The following CAMTA1 variants were observed in gnomAD, a reference collection of about 807,000 sequenced individuals.
CAMTA1 encodes calmodulin binding transcription activator 1.
In CAMTA1, 27 loss-of-function variants were observed where a neutral mutation model predicts 170.9. The observed-to-expected ratio is 0.16, with a 90% CI of 0.12 to 0.22. CAMTA1 has a LOEUF of 0.22. Among genes scored for constraint, CAMTA1 ranks in the 10% least tolerant of loss-of-function variants. The probability of loss-of-function intolerance (pLI) is 1.00; values close to 1 mark genes in which losing one functional copy is unlikely to be tolerated. For missense variants in CAMTA1, 1,619 were observed against 2,217.2 expected (o/e 0.73, Z 5.42); for synonymous variants, 833 against 891.5 (o/e 0.93, Z 1.17).
At chr1:7,746,159 T>A in intron 18 of CAMTA1, 68 bp downstream of exon 18, 3 of 1,536,524 alleles carry the variant, frequency 2.0e-6, no homozygotes, top group Non-Finnish European at 2.7e-6. Flanking sequence ...AAAGTCAGAA[T>A]CATGCGAACA....
rs1439565065 is a variant in CAMTA1 at position 7,053,387 on chromosome 1, G to A, written c.235-37917G>A. The stretch of plus-strand genomic sequence containing the variant: ...GTCTTCTCGCGGCGAGGTGTGATGC[G>A]GGAGCGTGGCAGCCCCCTCTCTGGT... On this transcript the variant is annotated intron_variant, in intron 3 of 22. Transcript: ENST00000303635. Among the ~76,000 whole-genome samples the A allele has an allele frequency of 3.3e-5, 5 of 152,292 alleles. No homozygotes were observed. The East Asian group carries it at 5.8e-4, about 18-fold the overall frequency.
At chr1:7,652,751 G>C (rs754453463) in intron 7 of CAMTA1, among the ~76,000 whole-genome samples, 1 of 152,044 alleles carries the variant, frequency 6.6e-6, no homozygotes, top group African/African-American at 2.4e-5. Context: ...AGATGGGGTC[G>C]CTTTTCTCCT....
At chr1:7,203,282 C>T (rs1252454769) in intron 4 of CAMTA1, among the ~76,000 whole-genome samples, 1 of 152,038 alleles carries the variant, frequency 6.6e-6, no homozygotes, top group Non-Finnish European at 1.5e-5. Flanking sequence ...TATCCATACC[C>T]ATAAGAGATA....
At chr1:6,915,763 T>C (rs1183288592) in intron 3 of CAMTA1, among the ~76,000 whole-genome samples, 1 of 152,182 alleles carries the variant, frequency 6.6e-6, no homozygotes, top group Admixed American at 6.5e-5. Flanking sequence ...GTAGCATTCA[T>C]GGTCTCTAAG....
chr1:7,419,880 C>T (rs2091444563), intron 5 of CAMTA1, among the ~76,000 whole-genome samples: 2 of 152,156 alleles, frequency 1.3e-5, no homozygotes. Context: ...CGGGCTCTTC[C>T]TTCAGAGTGC....
chr1:6,848,487 T>C (rs1659170039), intron 3 of CAMTA1, among the ~76,000 whole-genome samples: 1 of 152,190 alleles, frequency 6.6e-6, no homozygotes, highest in Admixed American at 6.5e-5. Context: ...AATGAGCAGA[T>C]TTTTATTTTA....
At chr1:6,789,887 G>A (rs537060227) in intron 1 of CAMTA1, among the ~76,000 whole-genome samples, 1 of 144,104 alleles carries the variant, frequency 6.9e-6, no homozygotes, top group Non-Finnish European at 1.5e-5. Flanking sequence ...CTCGGTTCGT[G>A]CAACCTCTGC....
intron 3 of CAMTA1, among the ~76,000 whole-genome samples, chr1:7,018,403 G>A (rs916848662): frequency 1.3e-5 from 2 of 152,112 alleles, no homozygotes; most frequent in Admixed American, 1.3e-4. Context: ...GTCTCCAGCA[G>A]GCTTGCCTTG....
chr1:7,710,963 C>T (rs184410696), intron 11 of CAMTA1, among the ~76,000 whole-genome samples: 52 of 152,294 alleles, frequency 3.4e-4, no homozygotes, highest in Admixed American at 2.4e-3. Context: ...TTCATAAGGC[C>T]TGGCTCATAC....
At chr1:7,416,988 T>G (rs1055171461) in intron 5 of CAMTA1, among the ~76,000 whole-genome samples, 10 of 152,272 alleles carry the variant, frequency 6.6e-5, no homozygotes, top group Admixed American at 1.3e-4. Context: ...GACAGGACCC[T>G]CAGCTGCAGG....
At chr1:7,543,864 AG>A (rs2150124576) in intron 6 of CAMTA1, among the ~76,000 whole-genome samples, 1 of 151,590 alleles carries the variant, frequency 6.6e-6, no homozygotes, top group East Asian at 1.9e-4. Context: ...GAACAGGAAA[AG>A]GGTTAAAGCA....
In CAMTA1 at chr1:7,007,842, G is replaced by T. The variant is rs568673449; in HGVS notation, c.235-83462G>T. On this transcript the variant is annotated intron_variant, in intron 3 of 22. Transcript: ENST00000303635. This position sits in a 1 kb window ranked among gnomAD's most constrained non-coding sequence, Gnocchi z 4.5. ...TCAGCCCCACCTCTCCAGAGGCCCG[G>T]CACACAGTAGGCACTCAATGGTTGT... 3.9e-5 allele frequency among the ~76,000 whole-genome samples: 6 copies of T among 152,190 alleles called. No individual in the cohort carries two copies. The highest frequency in any genetic ancestry group is 8.8e-5 in the Non-Finnish European group (6 of 68,032).
At chr1:7,194,220 T>C (rs753580832) in intron 4 of CAMTA1, among the ~76,000 whole-genome samples, 33 of 152,188 alleles carry the variant, frequency 2.2e-4, no homozygotes, top group Non-Finnish European at 4.3e-4. Flanking sequence ...TCCTATCTGG[T>C]CAAAATATAG....
At chr1:7,672,251 T>G (rs1576745216) in intron 10 of CAMTA1, 1 of 352,622 alleles carries the variant, frequency 2.8e-6, no homozygotes, top group East Asian at 7.9e-5. Context: ...TGGCCAGTGC[T>G]AGGCAGGCCC....
In CAMTA1 at chr1:6,928,006, C is replaced by T. The variant is rs995727458; in HGVS notation, c.234+102796C>T. On this transcript the variant is annotated intron_variant, in intron 3 of 22. Coordinates refer to ENST00000303635, the MANE Select transcript of CAMTA1 (RefSeq NM_015215.4). ...CTGCCTCCCTCCTCCCACAATCTCT[C>T]AGGACAGGAGGGGCCAGGCTCCACT... Among the ~76,000 whole-genome samples, 3 of 152,142 alleles carry T rather than the reference C, an allele frequency of 2.0e-5. No homozygotes were observed. In the East Asian group the frequency reaches 5.8e-4, roughly 29 times the overall value.
chr1:6,966,275 C>G lies in CAMTA1; in HGVS notation c.235-125029C>G, dbSNP rs372248325. Among the ~76,000 whole-genome samples, 5 of 152,196 alleles carry G rather than the reference C, an allele frequency of 3.3e-5. No individual in the cohort carries two copies. In the East Asian group the frequency reaches 9.6e-4, roughly 29 times the overall value. On this transcript the variant is annotated intron_variant, in intron 3 of 22. Transcript: ENST00000303635. Reference sequence around the variant, plus strand: ...ATTCACAAAAACGTGCAACCATTGCCCCAGTCTATTTTAGGACATTTGTGT... The same window carrying G: ...ATTCACAAAAACGTGCAACCATTGCGCCAGTCTATTTTAGGACATTTGTGT...
At chr1:7,198,237 C>T (rs143412577) in intron 4 of CAMTA1, among the ~76,000 whole-genome samples, 2 of 152,140 alleles carry the variant, frequency 1.3e-5, no homozygotes, top group African/African-American at 4.8e-5. Flanking sequence ...CTGCTCAGTG[C>T]ATCTAGTAGA....
intron 4 of CAMTA1, among the ~76,000 whole-genome samples, chr1:7,183,865 T>C (rs959806789): frequency 6.6e-6 from 1 of 152,196 alleles, no homozygotes; most frequent in Non-Finnish European, 1.5e-5. Context: ...AAATTTATGA[T>C]ATGAAAATTG....
chr1:7,736,428 T>C lies in CAMTA1; in HGVS notation c.3151T>C (p.Trp1051Arg). 1 of 1,614,140 alleles carries C rather than the reference T, an allele frequency of 6.2e-7. No homozygotes were observed. Among genetic ancestry groups the C allele is most frequent in the South Asian group, 1.1e-5 (1 of 91,076 alleles). ...CGAGAAGATGATGAGCCGAGCCTGC[T>C]GGGCGAAGTCCAAGCACTTGATCCA... ...VCEKMMSRACWAKSKHLIHSK... is the reference protein window; with the variant it reads ...VCEKMMSRACRAKSKHLIHSK... The change falls in exon 13 of 23, where the codon TGG becomes CGG. Residue 1051 changes from tryptophan (W) to arginine (R), a missense_variant. Around this residue, in one of 8 missense-constraint regions of CAMTA1, gnomAD observed 143 missense variants for 184.2 expected, o/e 0.78. Transcript: ENST00000303635. The surrounding 1 kb of genome is among the most constrained non-coding windows in gnomAD (Gnocchi z 4.5).
Sources: gnomAD v4.1 joint callset for allele counts (sites outside exome capture counted in the v4.1 genomes callset) on GRCh38, gnomAD v4.1.1 for gene constraint, gnomAD v4.1.1 regional missense constraint, Gnocchi (gnomAD v3.1) non-coding constraint, MANE v1.5 for transcripts, NCBI Gene and HGNC (gene_info 2026-07-23, HGNC 2026-07-21) for gene names.